The following NRG1 variants were observed in gnomAD, a reference collection of about 807,000 sequenced individuals.
NRG1 encodes pro-neuregulin-1, membrane-bound isoform.
NRG1 carries 18 observed loss-of-function variants against 63.8 expected under a neutral mutation model. The observed-to-expected ratio is 0.28, with a 90% CI of 0.19 to 0.42. The LOEUF (loss-of-function observed/expected upper bound fraction) is 0.42, where lower values mean the gene tolerates loss of function less well. NRG1 is among the 10% of genes least tolerant of loss of function. The pLI is 1.00. For synonymous variants in NRG1, 302 were observed against 301.3 expected, an observed-to-expected ratio of 1.00 and a Z score of -0.02; for missense variants, 762 against 814.7, an observed-to-expected ratio of 0.94 and a Z score of 0.79.
At chr8:32,328,428 C>A (rs7825625) in intron 1 of NRG1, among the ~76,000 whole-genome samples, 11,577 of 141,400 alleles carry the variant, frequency 0.082, 559 homozygotes, top group Middle Eastern at 0.17. Context: ...AATTTAACAT[C>A]TTTTTTTTTT....
At chr8:32,514,731 A>G (rs1829616233) in intron 1 of NRG1, among the ~76,000 whole-genome samples, 1 of 152,142 alleles carries the variant, frequency 6.6e-6, no homozygotes, top group African/African-American at 2.4e-5. Context: ...TTAGGCTTGA[A>G]AATTTGATAC....
At chr8:32,090,251 C>A (rs912468815) in intron 1 of NRG1, among the ~76,000 whole-genome samples, 3 of 152,150 alleles carry the variant, frequency 2.0e-5, no homozygotes, top group African/African-American at 7.2e-5. Flanking sequence ...GTATTCTGTG[C>A]AAATCTTATT....
At chr8:31,952,943 G>A (rs556220863) in intron 1 of NRG1, among the ~76,000 whole-genome samples, 1 of 152,100 alleles carries the variant, frequency 6.6e-6, no homozygotes, top group Non-Finnish European at 1.5e-5. Context: ...TTAATTTTAT[G>A]CAGTATTTTC....
At chr8:31,946,112 C>T (rs551379110) in intron 1 of NRG1, among the ~76,000 whole-genome samples, 1 of 152,324 alleles carries the variant, frequency 6.6e-6, no homozygotes, top group South Asian at 2.1e-4. Context: ...TAACTGCACT[C>T]ATAATGTGTG....
At chr8:32,772,674 T>C (rs142004168), downstream of NRG1, among the ~76,000 whole-genome samples, 168 of 152,308 alleles carry the variant, frequency 1.1e-3, 3 homozygotes, top group East Asian at 0.031. Context: ...AGAGGACTTC[T>C]AGTTTCTCCC....
chr8:31,957,518 T>C (rs1804654255), intron 1 of NRG1, among the ~76,000 whole-genome samples: 1 of 151,336 alleles, frequency 6.6e-6, no homozygotes, highest in South Asian at 2.1e-4. Flanking sequence ...AATAGAATAA[T>C]AATGTGGCCA....
chr8:32,203,385 AT>A (rs146037624), intron 1 of NRG1, among the ~76,000 whole-genome samples: 4,376 of 148,892 alleles, frequency 0.029, 184 homozygotes, highest in African/African-American at 0.1. Flanking sequence ...TTATTCACTT[AT>A]TTTTTTTTTC....
At chr8:31,801,855 C>T (rs756967579) in intron 1 of NRG1, among the ~76,000 whole-genome samples, 1 of 152,134 alleles carries the variant, frequency 6.6e-6, no homozygotes, top group African/African-American at 2.4e-5. Context: ...ATTAGCAGGT[C>T]ATTCATCCCC....
At chr8:32,345,398 C>T (rs1349832146) in intron 1 of NRG1, among the ~76,000 whole-genome samples, 1 of 152,152 alleles carries the variant, frequency 6.6e-6, no homozygotes, top group Non-Finnish European at 1.5e-5. Flanking sequence ...AGTTGTAAGC[C>T]TGTAAATCCT....
At chr8:32,361,424 G>C (rs1807200869) in intron 1 of NRG1, among the ~76,000 whole-genome samples, 1 of 152,118 alleles carries the variant, frequency 6.6e-6, no homozygotes, top group Non-Finnish European at 1.5e-5. Context: ...GGAAGTCCTT[G>C]CTTAGTGGGC....
chr8:32,302,896 C>T (rs1014250471), intron 1 of NRG1, among the ~76,000 whole-genome samples: 18 of 152,132 alleles, frequency 1.2e-4, no homozygotes, highest in African/African-American at 3.9e-4. Flanking sequence ...AAAGACGAAC[C>T]TGTGGCCGAG....
At chr8:32,024,358 C>A (rs903038030) in intron 1 of NRG1, among the ~76,000 whole-genome samples, 4 of 152,146 alleles carry the variant, frequency 2.6e-5, no homozygotes, top group African/African-American at 7.2e-5. Context: ...AACTACAGTT[C>A]TAAGTTTTGA....
chr8:32,279,061 C>G (rs1852412366), intron 1 of NRG1, among the ~76,000 whole-genome samples: 1 of 152,182 alleles, frequency 6.6e-6, no homozygotes, highest in Non-Finnish European at 1.5e-5. Context: ...ACACAATGAT[C>G]TCTCTGAATC....
chr8:32,369,634 A>T (rs1808547852), intron 1 of NRG1, among the ~76,000 whole-genome samples: 2 of 152,196 alleles, frequency 1.3e-5, no homozygotes, highest in African/African-American at 4.8e-5. Flanking sequence ...AAGGAGGATG[A>T]TGTGAGGAGA....
chr8:32,447,848 CAA>C (rs35074926), intron 1 of NRG1, among the ~76,000 whole-genome samples: 213 of 125,208 alleles, frequency 1.7e-3, no homozygotes, highest in Admixed American at 2.4e-3. Context: ...AACCCTGTGT[CAA>C]AAAAAAAAAA....
chr8:31,640,114 C>A lies in NRG1; in HGVS notation c.37+683C>A. ...ACTGCTGCTGCTGGGGACCGCGGCC[C>A]TGGCGCCGGGGGCGGCGGCCGGCAA... On this transcript the variant is annotated intron_variant, in intron 1 of 10. Transcript: ENST00000519301. The surrounding 1 kb of genome is among the most constrained non-coding windows in gnomAD (Gnocchi z 6.3). 8.7e-7 allele frequency: 1 copy of A among 1,153,110 alleles called. No individual in the cohort carries two copies. Among genetic ancestry groups the A allele is most frequent in the Non-Finnish European group, 1.1e-6 (1 of 939,112 alleles). 71.4% of individuals were successfully genotyped at this position (1,153,110 alleles called of 1,614,324 possible). A position where few individuals can be genotyped will look rare whatever the true frequency, so the allele number is the denominator to read the frequency against.
At chr8:32,349,241 G>A (rs971343280) in intron 1 of NRG1, among the ~76,000 whole-genome samples, 2 of 152,194 alleles carry the variant, frequency 1.3e-5, no homozygotes, top group Non-Finnish European at 2.9e-5. Flanking sequence ...TTTAAATGGG[G>A]CTGCGCTGTT....
intron 5 of NRG1, chr8:32,646,727 G>A: frequency 2.0e-6 from 2 of 985,400 alleles, no homozygotes; most frequent in Non-Finnish European, 2.4e-6. Flanking sequence ...GGGCCATGGG[G>A]ACTAGGCTTA....
chr8:31,956,177 C>A (rs1342788766), intron 1 of NRG1, among the ~76,000 whole-genome samples: 1 of 151,990 alleles, frequency 6.6e-6, no homozygotes, highest in Non-Finnish European at 1.5e-5. Context: ...GATAATGTGG[C>A]CCATAATTGT....
Sources: gnomAD v4.1 joint callset for allele counts (sites outside exome capture counted in the v4.1 genomes callset) on GRCh38, gnomAD v4.1.1 for gene constraint, Gnocchi (gnomAD v3.1) non-coding constraint, MANE v1.5 for transcripts, NCBI Gene and HGNC (gene_info 2026-07-23, HGNC 2026-07-21) for gene names.